Variants in SAMD12 observed in about 807,000 individuals in gnomAD.
SAMD12 encodes sterile alpha motif domain-containing protein 12.
A neutral mutation model predicts 15.0 loss-of-function variants in SAMD12; 9 were observed. The ratio of observed to expected loss-of-function variants is 0.60; its 90% CI spans 0.36 to 1.05. The LOEUF is 1.05. Ranked by LOEUF, SAMD12 falls within the 50% of genes least tolerant of loss-of-function variation. The pLI, the probability that SAMD12 is intolerant of heterozygous loss-of-function variation, is 0.01. For synonymous variants in SAMD12, 86 were observed against 90.1 expected (o/e 0.96, Z 0.25); for missense variants, 230 against 234.2 (o/e 0.98, Z 0.12).
At chr8:118,328,804 C>T (rs150331443) in intron 4 of SAMD12, among the ~76,000 whole-genome samples, 1 of 152,244 alleles carries the variant, frequency 6.6e-6, no homozygotes, top group African/African-American at 2.4e-5. Flanking sequence ...GATGCTCTTC[C>T]TTGTTCATAG....
intron 4 of SAMD12, among the ~76,000 whole-genome samples, chr8:118,287,252 G>A (rs1003702477): frequency 6.6e-6 from 1 of 151,464 alleles, no homozygotes; most frequent in African/African-American, 2.4e-5. Flanking sequence ...AGCCTTCCGA[G>A]TAGCTGGGAC....
At chr8:118,507,028 C>T (rs1824939405) in intron 2 of SAMD12, among the ~76,000 whole-genome samples, 1 of 152,008 alleles carries the variant, frequency 6.6e-6, no homozygotes, top group South Asian at 2.1e-4. Flanking sequence ...AGAGACCAAA[C>T]TTTGGAACAT....
At chr8:118,617,595 T>C (rs1002025793) in intron 1 of SAMD12, among the ~76,000 whole-genome samples, 1 of 152,336 alleles carries the variant, frequency 6.6e-6, no homozygotes, top group East Asian at 1.9e-4. Flanking sequence ...AGAGGTGCTA[T>C]TCTGTTAGAC....
At chr8:118,577,180 C>T (rs572598625) in intron 2 of SAMD12, among the ~76,000 whole-genome samples, 46 of 152,194 alleles carry the variant, frequency 3.0e-4, no homozygotes, top group African/African-American at 1.1e-3. Context: ...TCTGGGTACT[C>T]TACTGGTTTC....
intron 1 of SAMD12, among the ~76,000 whole-genome samples, chr8:118,599,754 A>C (rs375948076): frequency 6.6e-6 from 1 of 152,240 alleles, no homozygotes; most frequent in East Asian, 1.9e-4. Flanking sequence ...AGACCTTACT[A>C]CTTGCATAGG....
chr8:118,530,433 A>G (rs1825654041), intron 2 of SAMD12, among the ~76,000 whole-genome samples: 1 of 152,150 alleles, frequency 6.6e-6, no homozygotes, highest in Non-Finnish European at 1.5e-5. Flanking sequence ...ATGTGTACTC[A>G]ATGTCTAGCT....
chr8:118,348,219 G>C (rs571205588), intron 4 of SAMD12, among the ~76,000 whole-genome samples: 5 of 152,234 alleles, frequency 3.3e-5, no homozygotes, highest in Admixed American at 1.3e-4. Flanking sequence ...TGGCACTACA[G>C]GTATGTGCTA....
At chr8:118,374,776 T>C (rs1819292662), downstream of SAMD12, among the ~76,000 whole-genome samples, 1 of 152,136 alleles carries the variant, frequency 6.6e-6, no homozygotes, top group African/African-American at 2.4e-5. Flanking sequence ...CATACCCTTT[T>C]TGGAGAACTC....
chr8:118,339,976 GCTC>G (rs1441052018), intron 4 of SAMD12, among the ~76,000 whole-genome samples: 1 of 152,226 alleles, frequency 6.6e-6, no homozygotes, highest in Non-Finnish European at 1.5e-5. Flanking sequence ...TAGACTGTGA[GCTC>G]CTCAAGGGCA....
intron 3 of SAMD12, among the ~76,000 whole-genome samples, chr8:118,398,668 C>T (rs758328801): frequency 7.2e-5 from 11 of 152,004 alleles, no homozygotes; most frequent in Non-Finnish European, 1.6e-4. Context: ...AACTGCTTGA[C>T]AAAGTAGATC....
rs117722418 is a variant in SAMD12, at chr8:118,352,477, T to C, written c.433+27083A>G. On this transcript the variant is annotated intron_variant, in intron 4 of 4. Transcript: ENST00000409003. ...GTGGTTCAGAAAAAAAAAAGAAGCC[T>C]ACCGTCTCCATAGTTCCTAAGAAAT... Among the ~76,000 whole-genome samples the C allele has an allele frequency of 2.5e-3, 380 of 152,186 alleles. 3 individuals are homozygous for C. Among genetic ancestry groups the C allele is most frequent in the Non-Finnish European group, 3.3e-3 (224 of 67,978 alleles).
intron 4 of SAMD12, among the ~76,000 whole-genome samples, chr8:118,337,552 C>T (rs574896701): frequency 4.6e-4 from 70 of 152,128 alleles, no homozygotes; most frequent in Admixed American, 7.2e-4. Flanking sequence ...CAAAAATAAA[C>T]GATTCATAAG....
intron 1 of SAMD12, among the ~76,000 whole-genome samples, chr8:118,586,802 A>G (rs1325145949): frequency 6.6e-6 from 1 of 152,222 alleles, no homozygotes; most frequent in African/African-American, 2.4e-5. Context: ...ACTACCTTAC[A>G]GTAGGTGCTC....
At chr8:118,184,969 T>A (rs1338273753), downstream of SAMD12, among the ~76,000 whole-genome samples, 1 of 151,920 alleles carries the variant, frequency 6.6e-6, no homozygotes. Flanking sequence ...CCAAGAATAA[T>A]CTTTAAAGAT....
chr8:118,137,008 T>C, the SAMD12 span, among the ~76,000 whole-genome samples: 100 of 152,286 alleles, frequency 6.6e-4, no homozygotes, highest in African/African-American at 2.3e-3. Flanking sequence ...GGACAAAATG[T>C]ACATCAAAGC....
chr8:118,542,891 C>T (rs550271874), intron 2 of SAMD12, among the ~76,000 whole-genome samples: 1 of 152,088 alleles, frequency 6.6e-6, no homozygotes, highest in Non-Finnish European at 1.5e-5. Context: ...AAGGTTGTCC[C>T]TAGCCTACAG....
intron 4 of SAMD12, among the ~76,000 whole-genome samples, chr8:118,236,714 G>A (rs1812439520): frequency 6.6e-6 from 1 of 152,178 alleles, no homozygotes; most frequent in Non-Finnish European, 1.5e-5. Flanking sequence ...TATGGAGACT[G>A]AATAGAACAA....
chr8:118,222,522 T>C (rs1478571898), intron 4 of SAMD12, among the ~76,000 whole-genome samples: 1 of 152,174 alleles, frequency 6.6e-6, no homozygotes, highest in Non-Finnish European at 1.5e-5. Context: ...TTTATCTTTT[T>C]GAGATGGAGT....
chr8:118,606,799 A>T (rs940003829), intron 1 of SAMD12, among the ~76,000 whole-genome samples: 1 of 152,174 alleles, frequency 6.6e-6, no homozygotes, highest in African/African-American at 2.4e-5. Flanking sequence ...AGGAGGCAGG[A>T]GATAGGAGAA....
Sources: allele counts gnomAD v4.1 joint callset (sites outside exome capture counted in the v4.1 genomes callset), GRCh38; gene constraint gnomAD v4.1.1; transcripts MANE v1.5; gene names NCBI Gene and HGNC (gene_info 2026-07-23, HGNC 2026-07-21).